The following SDK1 variants were observed in gnomAD, a reference collection of about 807,000 sequenced individuals.
SDK1 encodes sidekick cell adhesion molecule 1.
In SDK1, 157 loss-of-function variants were observed where a neutral mutation model predicts 245.5. The observed-to-expected ratio is 0.64, with a 90% CI of 0.56 to 0.73. The LOEUF (loss-of-function observed/expected upper bound fraction) is 0.73. Ranked by LOEUF, SDK1 falls within the 30% of genes least tolerant of loss-of-function variation. SDK1 has a pLI of 0.00. For synonymous variants in SDK1, 1,647 were observed against 1,278.5 expected, an observed-to-expected ratio of 1.29 and a Z score of -6.15; for missense variants, 3,583 against 3,002.3, an observed-to-expected ratio of 1.19 and a Z score of -4.52.
chr7:3,883,919 A>T (rs1781270523), intron 5 of SDK1, among the ~76,000 whole-genome samples: 1 of 152,126 alleles, frequency 6.6e-6, no homozygotes, highest in African/African-American at 2.4e-5. Flanking sequence ...CATCAATACG[A>T]TGAAGTCACC....
chr7:3,530,071 T>G (rs986256677), intron 1 of SDK1, among the ~76,000 whole-genome samples: 1 of 152,164 alleles, frequency 6.6e-6, no homozygotes, highest in Non-Finnish European at 1.5e-5. Context: ...CAAGAAATTT[T>G]AAAGACTCTC....
At chr7:3,857,515 TC>T (rs1270462591) in intron 5 of SDK1, among the ~76,000 whole-genome samples, 1 of 151,952 alleles carries the variant, frequency 6.6e-6, no homozygotes, top group Non-Finnish European at 1.5e-5. Flanking sequence ...AGACCCCATT[TC>T]TACAAAAAAT....
rs183245476 is a variant in SDK1 at position 3,628,147 on chromosome 7, T to G, written c.458+8908T>G. ...CCGGATCAAGTTGACTCATGTATAA[T>G]CCCAGGCCTGAGTGTTTAACTGTTC... is the stretch of plus-strand genomic sequence containing the variant. On this transcript the variant is annotated intron_variant, in intron 2 of 44. Coordinates refer to ENST00000404826, the MANE Select transcript of SDK1 (RefSeq NM_152744.4). Among the ~76,000 whole-genome samples the G allele has an allele frequency of 3.7e-3, 561 of 152,212 alleles. 12 individuals carry two copies. The highest frequency in any genetic ancestry group is 0.034 in the Admixed American group (525 of 15,268).
intron 14 of SDK1, among the ~76,000 whole-genome samples, chr7:3,994,595 T>G (rs1784564099): frequency 6.8e-6 from 1 of 147,026 alleles, no homozygotes; most frequent in Non-Finnish European, 1.5e-5. Context: ...TGAGCCGCGA[T>G]CGCACCAAGG....
chr7:3,815,438 C>G (rs1224272720), intron 4 of SDK1, among the ~76,000 whole-genome samples: 4 of 148,992 alleles, frequency 2.7e-5, no homozygotes, highest in Admixed American at 6.8e-5. Flanking sequence ...GTATATTGAA[C>G]CAGCCTTGCA....
At chr7:3,774,579 C>A (rs1306590395) in intron 4 of SDK1, among the ~76,000 whole-genome samples, 1 of 152,132 alleles carries the variant, frequency 6.6e-6, no homozygotes, top group African/African-American at 2.4e-5. Context: ...AAGTTGGAAG[C>A]CTTAAGTAGC....
chr7:3,547,085 G>T (rs1365798808), intron 1 of SDK1, among the ~76,000 whole-genome samples: 1 of 152,046 alleles, frequency 6.6e-6, no homozygotes, highest in African/African-American at 2.4e-5. Context: ...TTTAAGGTGT[G>T]TGACCTTGTC....
intron 4 of SDK1, among the ~76,000 whole-genome samples, chr7:3,777,193 A>G (rs1366497300): frequency 6.6e-6 from 1 of 152,238 alleles, no homozygotes; most frequent in African/African-American, 2.4e-5. Flanking sequence ...CTTGAGACGT[A>G]AAATGTATGC....
chr7:3,595,852 A>C (rs1381853757), intron 1 of SDK1, among the ~76,000 whole-genome samples: 1 of 149,042 alleles, frequency 6.7e-6, no homozygotes, highest in Non-Finnish European at 1.5e-5. Context: ...AAAAAAAAAA[A>C]AAAACAACAA....
intron 40 of SDK1, chr7:4,227,096 T>G (rs140172815): frequency 3.6e-6 from 1 of 277,290 alleles, no homozygotes; most frequent in African/African-American, 2.2e-5. Flanking sequence ...CCCATTGATT[T>G]TGTTCAATTT....
chr7:3,784,221 T>A (rs1197897149), intron 4 of SDK1, among the ~76,000 whole-genome samples: 1 of 151,856 alleles, frequency 6.6e-6, no homozygotes, highest in Non-Finnish European at 1.5e-5. Context: ...CCTGGCCTAT[T>A]CAACTGATTT....
intron 35 of SDK1, among the ~76,000 whole-genome samples, chr7:4,193,584 C>T (rs1394038720): frequency 6.6e-6 from 1 of 151,734 alleles, no homozygotes; most frequent in Non-Finnish European, 1.5e-5. Context: ...TGCAGAGTCC[C>T]ATTCTTTTTC....
At chr7:3,686,994 C>G (rs1174329738) in intron 4 of SDK1, among the ~76,000 whole-genome samples, 2 of 149,732 alleles carry the variant, frequency 1.3e-5, no homozygotes, top group African/African-American at 2.5e-5. Flanking sequence ...ATCTGCAGCT[C>G]AAGAAGGGAG....
chr7:3,738,636 A>G (rs528996928), intron 4 of SDK1, among the ~76,000 whole-genome samples: 1 of 152,320 alleles, frequency 6.6e-6, no homozygotes, highest in South Asian at 2.1e-4. Flanking sequence ...AAGTATTGAC[A>G]TCGTAATAAT....
intron 1 of SDK1, among the ~76,000 whole-genome samples, chr7:3,396,893 TTA>T (rs1276389596): frequency 1.3e-5 from 2 of 151,692 alleles, no homozygotes; most frequent in African/African-American, 4.8e-5. Flanking sequence ...TACCTTTTCA[TTA>T]TATGTTTTCT....
chr7:3,627,954 A>G (rs1311569713), intron 2 of SDK1, among the ~76,000 whole-genome samples: 2 of 152,126 alleles, frequency 1.3e-5, no homozygotes, highest in Admixed American at 6.6e-5. Flanking sequence ...TTACTGCCCA[A>G]GTGTCTCTTT....
At chr7:4,252,235 G>T (rs547440470) in intron 44 of SDK1, among the ~76,000 whole-genome samples, 2 of 141,898 alleles carry the variant, frequency 1.4e-5, no homozygotes, top group African/African-American at 2.7e-5. Flanking sequence ...AGGCCCCAGT[G>T]TGTGATGTTC....
At chr7:3,322,675 T>C (rs1324936384) in intron 1 of SDK1, among the ~76,000 whole-genome samples, 1 of 152,228 alleles carries the variant, frequency 6.6e-6, no homozygotes, top group African/African-American at 2.4e-5. Context: ...TTCAGGGATC[T>C]TCATAATCTG....
chr7:3,526,404 T>C (rs1783133789), intron 1 of SDK1, among the ~76,000 whole-genome samples: 1 of 152,212 alleles, frequency 6.6e-6, no homozygotes, highest in Non-Finnish European at 1.5e-5. Context: ...TTGTCTATGA[T>C]ATATTATAAC....
Sources: gnomAD v4.1 joint callset for allele counts (sites outside exome capture counted in the v4.1 genomes callset) on GRCh38, gnomAD v4.1.1 for gene constraint, MANE v1.5 for transcripts, NCBI Gene and HGNC (gene_info 2026-07-23, HGNC 2026-07-21) for gene names.